The following HOOK3 variants were observed in gnomAD, a reference collection of about 807,000 sequenced individuals.
HOOK3 encodes hook microtubule tethering protein 3, also known as protein Hook homolog 3.
Under a neutral mutation model 116.3 loss-of-function variants are expected in HOOK3, and 24 were observed. The ratio of observed to expected loss-of-function variants is 0.21; its 90% CI spans 0.15 to 0.29. The LOEUF is 0.29. HOOK3 is among the 10% of genes least tolerant of loss of function. The pLI is 1.00. For synonymous variants in HOOK3, 275 were observed against 283.0 expected, an observed-to-expected ratio of 0.97 and a Z score of 0.28; for missense variants, 632 against 830.2, an observed-to-expected ratio of 0.76 and a Z score of 2.93.
chr8:42,911,500 C>T (rs1807428464), intron 2 of HOOK3, among the ~76,000 whole-genome samples: 1 of 151,918 alleles, frequency 6.6e-6, no homozygotes, highest in Non-Finnish European at 1.5e-5. Flanking sequence ...AAGGCTTTGG[C>T]GGTGGGTGGG....
chr8:43,001,470 A>G (rs1170264107), intron 16 of HOOK3, among the ~76,000 whole-genome samples: 2 of 152,152 alleles, frequency 1.3e-5, no homozygotes, highest in African/African-American at 4.8e-5. Context: ...GTGTTAAATT[A>G]TGAAATTTAG....
intron 2 of HOOK3, among the ~76,000 whole-genome samples, chr8:42,915,604 G>A (rs1013098490): frequency 6.6e-6 from 1 of 151,980 alleles, no homozygotes; most frequent in African/African-American, 2.4e-5. Context: ...GCTAATTTTT[G>A]TATTTTTAGT....
intron 8 of HOOK3, among the ~76,000 whole-genome samples, chr8:42,961,346 A>G (rs1479821183): frequency 6.6e-6 from 1 of 152,246 alleles, no homozygotes; most frequent in Admixed American, 6.5e-5. Flanking sequence ...TTTTGAATAT[A>G]TAACACATGA....
intron 15 of HOOK3, 95 bp downstream of exon 15, chr8:42,986,890 C>G: frequency 7.5e-7 from 1 of 1,325,036 alleles, no homozygotes; most frequent in South Asian, 1.3e-5. Flanking sequence ...GGCATGGTGG[C>G]TCACGCCTGT....
At chr8:42,908,684 A>G (rs896340405) in intron 2 of HOOK3, among the ~76,000 whole-genome samples, 7 of 152,246 alleles carry the variant, frequency 4.6e-5, no homozygotes, top group Non-Finnish European at 2.9e-5. Context: ...AGACTTTTAA[A>G]CATACCTACT....
rs764513803 is a variant in HOOK3 at position 42,970,782 on chromosome 8, C to CTTTTTTTTT, written c.1123-2494_1123-2486dup. 2.0e-3 allele frequency among the ~76,000 whole-genome samples: 192 copies of CTTTTTTTTT among 93,852 alleles called. 14 individuals carry two copies. The highest frequency in any genetic ancestry group is 7.3e-3 in the African/African-American group (168 of 23,074). 61.6% of individuals were successfully genotyped at this position (93,852 alleles called of 152,430 possible). On this transcript the variant is annotated intron_variant, in intron 11 of 21. Coordinates refer to ENST00000307602, the MANE Select transcript of HOOK3 (RefSeq NM_032410.4). ...GTAAAGAAATAAAAGGAATTTGGGT[C>CTTTTTTTTT]TTTTTTTTTTTTTTTTTTTTTCTGA...
At position 42,964,377 on chromosome 8, in the gene HOOK3, A is replaced by G; in HGVS notation, c.682A>G (p.Asn228Asp). The change falls in exon 9 of 22, where the codon AAT becomes GAT. Residue 228 changes from asparagine (N) to aspartate (D), a missense_variant. Physicochemically the swap from Asn to Asp is conservative, Grantham distance 23 (BLOSUM62 1). Transcript: ENST00000307602. ...AENQVLMERL[N>D]QSDSIEDPNS... ...GAATCAGGTATTAATGGAAAGACTC[A>G]ATCAATCTGATTCTATAGAAGACCC... is the stretch of plus-strand genomic sequence containing the variant. The G allele has an allele frequency of 6.2e-7, 1 of 1,614,046 alleles. No homozygotes were observed.
chr8:42,938,313 T>C (rs1033739117), intron 4 of HOOK3, among the ~76,000 whole-genome samples: 1 of 151,984 alleles, frequency 6.6e-6, no homozygotes, highest in Non-Finnish European at 1.5e-5. Context: ...ATGAGTTTCC[T>C]GAATACAGCA....
intron 2 of HOOK3, among the ~76,000 whole-genome samples, chr8:42,910,932 T>G (rs1211422040): frequency 6.6e-6 from 1 of 152,210 alleles, no homozygotes; most frequent in African/African-American, 2.4e-5. Flanking sequence ...TAGGAGGTCA[T>G]GAACATTTTA....
intron 1 of HOOK3, 190 bp downstream of exon 1, chr8:42,897,378 C>T (rs1807025502): frequency 1.6e-5 from 6 of 384,088 alleles, no homozygotes; most frequent in South Asian, 1.4e-4. Context: ...GTCGCTGTTC[C>T]GGGCGGACCC....
At chr8:42,906,145 T>TCCC (rs80157780) in intron 1 of HOOK3, 28 bp from the exon 2 acceptor site, 1 of 536,640 alleles carries the variant, frequency 1.9e-6, no homozygotes, top group African/African-American at 2.7e-5. Flanking sequence ...ACAGAATCTC[T>TCCC]CCCCCCCCCC....
chr8:43,013,865 A>G (rs907415801), intron 21 of HOOK3, among the ~76,000 whole-genome samples: 1 of 152,234 alleles, frequency 6.6e-6, no homozygotes, highest in Non-Finnish European at 1.5e-5. Context: ...ACTAATGCTC[A>G]TCAGCATCCT....
chr8:42,922,972 A>G (rs1229183802), intron 2 of HOOK3, among the ~76,000 whole-genome samples: 1 of 152,238 alleles, frequency 6.6e-6, no homozygotes, highest in African/African-American at 2.4e-5. Flanking sequence ...AGAGGCTGGT[A>G]TCCTGAATAT....
At chr8:42,970,942 C>G (rs1163458861) in intron 11 of HOOK3, among the ~76,000 whole-genome samples, 1 of 151,854 alleles carries the variant, frequency 6.6e-6, no homozygotes, top group African/African-American at 2.4e-5. Flanking sequence ...TGTGTGCCGC[C>G]ACACTCAGCT....
At position 43,024,677 on chromosome 8, in the gene HOOK3, A is replaced by G. The variant is rs949770939; in HGVS notation, c.*6179A>G. The G allele has an allele frequency of 5.3e-6, 1 of 189,214 alleles. No homozygotes were observed. Among genetic ancestry groups the G allele is most frequent in the East Asian group, 8.4e-5 (1 of 11,914 alleles). 11.7% of individuals were successfully genotyped at this position (189,214 alleles called of 1,614,324 possible). A position where few individuals can be genotyped will look rare whatever the true frequency, so the allele number is the denominator to read the frequency against. On this transcript the variant is annotated 3_prime_UTR_variant, in exon 22 of 22. Transcript: ENST00000307602. ...TTTTCTATCTATAAAGAATATTTAA[A>G]TAATAATTGGTGTATGTTCCTTTTG...
In HOOK3 at chr8:43,019,999, A is replaced by T. The variant is rs1196920973; in HGVS notation, c.*1501A>T. The stretch of plus-strand genomic sequence containing the variant: ...TGTTAAATACGAATAAGTAACCTCA[A>T]ATCAAGCTAAATGTAATTAAGAATT... On this transcript the variant is annotated 3_prime_UTR_variant, in exon 22 of 22. Transcript: ENST00000307602. 5.1e-6 allele frequency: 1 copy of T among 197,256 alleles called. No individual in the cohort carries two copies. Among genetic ancestry groups the T allele is most frequent in the African/African-American group, 2.3e-5 (1 of 43,384 alleles). The allele number at this position is 197,256 out of a possible 1,614,324, so 12.2% of individuals were successfully genotyped here.
chr8:42,962,024 T>G lies in HOOK3; in HGVS notation c.616-2287T>G, dbSNP rs1263178902. 3.3e-5 allele frequency among the ~76,000 whole-genome samples: 5 copies of G among 152,102 alleles called. No individual in the cohort carries two copies. In the East Asian group the frequency reaches 9.7e-4, roughly 30 times the overall value. The stretch of plus-strand genomic sequence containing the variant: ...CTGGTCTTAAACTCCTGAGCTCCGG[T>G]GATCTGCCCACCTCCGTCTCCCAAA... On this transcript the variant is annotated intron_variant, in intron 8 of 21. Coordinates refer to ENST00000307602, the MANE Select transcript of HOOK3 (RefSeq NM_032410.4).
intron 1 of HOOK3, among the ~76,000 whole-genome samples, chr8:42,903,850 G>A (rs1274783682): frequency 6.6e-6 from 1 of 151,814 alleles, no homozygotes; most frequent in Non-Finnish European, 1.5e-5. Flanking sequence ...CAGCTACTCG[G>A]GGGGCTGAGG....
intron 2 of HOOK3, among the ~76,000 whole-genome samples, chr8:42,912,132 A>C (rs1400038693): frequency 2.0e-5 from 3 of 152,162 alleles, no homozygotes; most frequent in Non-Finnish European, 4.4e-5. Context: ...AAGCCAGGTG[A>C]GTGTGGGTGC....
Sources: allele counts gnomAD v4.1 joint callset (sites outside exome capture counted in the v4.1 genomes callset), GRCh38; gene constraint gnomAD v4.1.1; transcripts MANE v1.5; gene names NCBI Gene and HGNC (gene_info 2026-07-23, HGNC 2026-07-21).